TCOF1: variants seen among roughly 807,000 people sequenced by gnomAD.
The protein encoded by TCOF1 is treacle protein.
A neutral mutation model predicts 149.0 loss-of-function variants in TCOF1; 33 were observed. The observed-to-expected ratio is 0.22, with a 90% CI of 0.17 to 0.30. TCOF1 has a LOEUF of 0.30. Among genes scored for constraint, TCOF1 ranks in the 10% least tolerant of loss-of-function variants. The pLI is 1.00. For synonymous variants in TCOF1, 789 were observed against 738.8 expected, an observed-to-expected ratio of 1.07 and a Z score of -1.10; for missense variants, 1,728 against 1,840.7, an observed-to-expected ratio of 0.94 and a Z score of 1.12.
intron 6 of TCOF1, among the ~76,000 whole-genome samples, chr5:150,370,748 T>C (rs1762347002): frequency 6.6e-6 from 1 of 152,126 alleles, no homozygotes; most frequent in Non-Finnish European, 1.5e-5. Flanking sequence ...AGGAGGATCA[T>C]TTGAGGCCAG....
At chr5:150,383,980 T>C in intron 17 of TCOF1, 2 of 1,408,676 alleles carry the variant, frequency 1.4e-6, no homozygotes, top group Non-Finnish European at 1.8e-6. Flanking sequence ...CATTACCCTT[T>C]GTCCTCCTCT....
In TCOF1 at chr5:150,364,129, C is replaced by A; in HGVS notation, c.181C>A (p.Arg61=). Residue 61 remains arginine (R), a synonymous_variant, in exon 3 of 27, where the codon CGG becomes AGG. Coordinates refer to ENST00000643257, the MANE Select transcript of TCOF1 (RefSeq NM_001371623.1). ...GTCCTGCAGAACCTCAGAGCTTGGT[C>A]GGAAGCGGAAGGCAGAGGAAGATGC... ...THWQQTSELG[R]KRKAEEDAAL... is the part of the protein sequence containing the mutation. 6.2e-7 allele frequency: 1 copy of A among 1,613,970 alleles called. No individual in the cohort carries two copies. The highest frequency in any genetic ancestry group is 1.1e-5 in the South Asian group (1 of 91,036).
At chr5:150,368,368 T>A in intron 4 of TCOF1, 1 of 377,564 alleles carries the variant, frequency 2.6e-6, no homozygotes, top group Admixed American at 4.2e-5. Flanking sequence ...GAAAGCAGAG[T>A]TAGATACATA....
rs961621513 is a variant in TCOF1 at position 150,392,633 on chromosome 5, C to T, written c.3518-72C>T. ...GGACCTGCAGAGAGACCAGGGCCTT[C>T]CTGAAGGGCTCTGCCCTTCCCGGCT... On this transcript the variant is annotated intron_variant, in intron 21 of 26. Transcript: ENST00000643257. 2.9e-5 allele frequency: 44 copies of T among 1,520,846 alleles called. No individual in the cohort carries two copies. The African/African-American group carries it at 4.6e-4, about 16-fold the overall frequency. 94.2% of individuals were successfully genotyped at this position (1,520,846 alleles called of 1,614,324 possible). A position where few individuals can be genotyped will look rare whatever the true frequency, so the allele number is the denominator to read the frequency against.
chr5:150,375,914 G>T lies in TCOF1; in HGVS notation c.1893+5G>T, dbSNP rs758190164. ...GCAGCCATGACTGCAGCTCAGGTGA[G>T]GCCTGGGGAAGGAGGCTGCTACATG... On this transcript the variant is annotated splice_donor_5th_base_variant and intron_variant, in intron 12 of 26. Transcript: ENST00000643257. 3 of 1,614,222 alleles carry T rather than the reference G, an allele frequency of 1.9e-6. No individual in the cohort carries two copies. The South Asian group carries it at 3.3e-5, about 18-fold the overall frequency.
chr5:150,381,909 G>A (rs1765288606), intron 17 of TCOF1, among the ~76,000 whole-genome samples: 1 of 152,108 alleles, frequency 6.6e-6, no homozygotes, highest in Admixed American at 6.6e-5. Flanking sequence ...AAAGTGCTGG[G>A]GGCAGGCCAG....
At position 150,398,337 on chromosome 5, in the gene TCOF1, T is replaced by C; in HGVS notation, c.4346-17T>C. 6.2e-7 allele frequency: 1 copy of C among 1,613,222 alleles called. No homozygotes were observed. Among genetic ancestry groups the C allele is most frequent in the Non-Finnish European group, 8.5e-7 (1 of 1,179,812 alleles). ...ATTACCATCTGTTGTTCAGGAACTT[T>C]ACTTTACTTCCCTTAGGAAAAAAAG... On this transcript the variant is annotated splice_polypyrimidine_tract_variant and intron_variant, in intron 24 of 26. Coordinates refer to ENST00000643257, the MANE Select transcript of TCOF1 (RefSeq NM_001371623.1).
chr5:150,395,659 C>G (rs183182583), intron 23 of TCOF1, among the ~76,000 whole-genome samples: 3 of 152,226 alleles, frequency 2.0e-5, no homozygotes, highest in African/African-American at 7.2e-5. Context: ...GCTTAGTCAG[C>G]CACCACGTGT....
At chr5:150,363,235 T>G (rs1760573345) in intron 2 of TCOF1, among the ~76,000 whole-genome samples, 1 of 152,168 alleles carries the variant, frequency 6.6e-6, no homozygotes, top group Non-Finnish European at 1.5e-5. Context: ...AGAGGCAGAA[T>G]AAATTGATAC....
rs149825269 is a variant in TCOF1, at chr5:150,374,661, C to A, written c.1128C>A (p.Ala376=). ...CCTCTCAGGTCGGAGCTGCCTCAGC[C>A]CCTGCCAAGGAGTCCCCCAGGAAAG... ...GKTSQVGAAS[A]PAKESPRKGA... Residue 376 remains alanine, a synonymous_variant, in exon 9 of 27, where the codon GCC becomes GCA. Coordinates refer to ENST00000643257, the MANE Select transcript of TCOF1 (RefSeq NM_001371623.1). The A allele has an allele frequency of 3.3e-5, 54 of 1,613,852 alleles. No homozygotes were observed. Among genetic ancestry groups the A allele is most frequent in the Non-Finnish European group, 4.3e-5 (51 of 1,180,020 alleles).
intron 22 of TCOF1, chr5:150,393,014 C>G (rs1314381532): frequency 3.2e-6 from 2 of 617,814 alleles, no homozygotes; most frequent in African/African-American, 3.7e-5. Context: ...CCCTTGGGGT[C>G]TGTAGAAGGG....
Position 150,361,147 on chromosome 5 carries a change from T to G in TCOF1, c.109-9T>G. On this transcript the variant is annotated splice_polypyrimidine_tract_variant and intron_variant, in intron 1 of 26. Coordinates refer to ENST00000643257, the MANE Select transcript of TCOF1 (RefSeq NM_001371623.1). ...GATTAATTGTGGCTTTCTCTTTACC[T>G]CTCTGCAGAAGTGTTTCCTGGCTCA... is the stretch of plus-strand genomic sequence containing the variant. 2.5e-6 allele frequency: 4 copies of G among 1,614,106 alleles called. No homozygotes were observed. Among genetic ancestry groups the G allele is most frequent in the Non-Finnish European group, 3.4e-6 (4 of 1,179,994 alleles).
In TCOF1 at chr5:150,367,956, T is replaced by G. The variant is rs200732051; in HGVS notation, c.378+39T>G. ...CCTTCCAAGCTATTGCCTATGGGAT[T>G]TAAGGTGCCTGGTAGGGGACAGTCT... is the stretch of plus-strand genomic sequence containing the variant. On this transcript the variant is annotated intron_variant, in intron 4 of 26. Transcript: ENST00000643257. The G allele has an allele frequency of 5.8e-4, 941 of 1,609,246 alleles. 4 individuals are homozygous for G. In the African/African-American group the frequency reaches 0.011, roughly 19 times the overall value.
At chr5:150,358,827 A>AC (rs1410890545) in intron 1 of TCOF1, among the ~76,000 whole-genome samples, 2 of 151,654 alleles carry the variant, frequency 1.3e-5, no homozygotes, top group Middle Eastern at 6.3e-3. Context: ...ATAAAGCGAG[A>AC]CTCTGCCTCA....
In TCOF1 at chr5:150,368,857, G is replaced by A; in HGVS notation, c.520G>A (p.Glu174Lys). Residue 174 changes from glutamate to lysine, a missense_variant, in exon 5 of 27, where the codon GAG (glutamate) becomes AAG (lysine). Glu to Lys is a moderately conservative substitution (Grantham distance 56). This residue lies in a region of TCOF1 where 1,696 missense variants were observed against 1,765.4 expected (regional missense o/e 0.96). Transcript: ENST00000643257. ...AAATACTACGTTGGTCTCAGAAACT[G>A]AGGAGGAGGGCAGCGTCCCGGCCTT... Reference protein sequence around the residue: ...SANTTLVSETEEEGSVPAFGA... With the variant: ...SANTTLVSETKEEGSVPAFGA... 6.2e-7 allele frequency: 1 copy of A among 1,613,948 alleles called. No individual in the cohort carries two copies. The highest frequency in any genetic ancestry group is 1.1e-5 in the South Asian group (1 of 91,080).
intron 2 of TCOF1, among the ~76,000 whole-genome samples, chr5:150,362,696 A>G (rs1581032017): frequency 6.6e-6 from 1 of 151,834 alleles, no homozygotes. Context: ...GTCTTTGAAA[A>G]CCCTGCCAAC....
rs1001201737 is a variant in TCOF1 at position 150,357,758 on chromosome 5, C to A, written c.12C>A (p.Ala4=). The change falls in exon 1 of 27, where the codon GCC becomes GCA. Residue 4 remains alanine (A), a synonymous_variant. Transcript: ENST00000643257. The stretch of plus-strand genomic sequence containing the variant: ...CGGGGGTCGCGGGTATGGCCGAGGC[C>A]AGGAAGCGGCGGGAGCTACTTCCCC... MAE[A]RKRRELLPLI... 7.7e-6 allele frequency: 12 copies of A among 1,549,252 alleles called. No individual in the cohort carries two copies. In the African/African-American group the frequency reaches 1.6e-4, roughly 21 times the overall value.
chr5:150,373,088 A>AT (rs990031828), intron 7 of TCOF1, among the ~76,000 whole-genome samples: 73 of 150,968 alleles, frequency 4.8e-4, no homozygotes, highest in Admixed American at 1.1e-3. Context: ...ACAAATGTGA[A>AT]TTTTTTTTTT....
chr5:150,399,091 T>G, intron 26 of TCOF1, 21 bp downstream of exon 26: 1 of 1,614,206 alleles, frequency 6.2e-7, no homozygotes, highest in African/African-American at 1.3e-5. Flanking sequence ...CAATCATTCC[T>G]GAGCATTCAG....
Sources: gnomAD v4.1 joint callset for allele counts (sites outside exome capture counted in the v4.1 genomes callset) on GRCh38, gnomAD v4.1.1 for gene constraint, gnomAD v4.1.1 regional missense constraint, MANE v1.5 for transcripts, NCBI Gene and HGNC (gene_info 2026-07-23, HGNC 2026-07-21) for gene names.